Variants in TAF4B observed in about 807,000 individuals in gnomAD.
TAF4B encodes the protein TATA-box binding protein associated factor 4b.
TAF4B carries 38 observed loss-of-function variants against 86.4 expected under a neutral mutation model. The observed-to-expected ratio is 0.44, with a 90% CI of 0.34 to 0.58. TAF4B has a LOEUF of 0.58. Among genes scored for constraint, TAF4B ranks in the 20% least tolerant of loss-of-function variants. TAF4B has a pLI of 0.02. For missense variants in TAF4B, 988 were observed against 1,027.6 expected (o/e 0.96, Z 0.53); for synonymous variants, 388 against 391.2 (o/e 0.99, Z 0.10).
At position 26,226,838 on chromosome 18, in the gene TAF4B, C is replaced by T. The variant is rs1200107100; in HGVS notation, c.-96C>T. On this transcript the variant is annotated 5_prime_UTR_variant, in exon 1 of 15. Coordinates refer to ENST00000269142, the MANE Select transcript of TAF4B (RefSeq NM_005640.3). ...GCCTCTCCCCAGCGATGCTGTGGAA[C>T]CCGAACCGCACCGGAGTCGGCTGCC... The T allele has an allele frequency of 5.7e-6, 6 of 1,055,832 alleles. No individual in the cohort carries two copies. Among genetic ancestry groups the T allele is most frequent in the South Asian group, 2.6e-5 (1 of 38,260 alleles). 65.4% of individuals were successfully genotyped at this position (1,055,832 alleles called of 1,614,324 possible).
At chr18:26,305,405 T>C (rs1480982088) in intron 9 of TAF4B, among the ~76,000 whole-genome samples, 8 of 152,104 alleles carry the variant, frequency 5.3e-5, no homozygotes, top group Non-Finnish European at 1.0e-4. Flanking sequence ...TATGTTTTTG[T>C]TTTATTTTAT....
intron 6 of TAF4B, among the ~76,000 whole-genome samples, chr18:26,285,210 C>CTTTTTTTTTTGT (rs2056496547): frequency 7.1e-5 from 3 of 42,550 alleles, no homozygotes; most frequent in Non-Finnish European, 1.3e-4. Flanking sequence ...TCTTCCTTTC[C>CTTTTTTTTTTGT]TTTTTTTTTT....
intron 13 of TAF4B, among the ~76,000 whole-genome samples, chr18:26,342,951 C>A (rs1342308664): frequency 6.6e-6 from 1 of 152,178 alleles, no homozygotes; most frequent in Non-Finnish European, 1.5e-5. Flanking sequence ...TGTCAGAATT[C>A]TGGCTATTAA....
At chr18:26,377,101 G>C (rs1218670243) in intron 14 of TAF4B, among the ~76,000 whole-genome samples, 1 of 151,876 alleles carries the variant, frequency 6.6e-6, no homozygotes, top group African/African-American at 2.4e-5. Flanking sequence ...GAAGAGTTTT[G>C]CATCCATGTT....
chr18:26,269,112 G>A (rs1162245677), intron 3 of TAF4B, among the ~76,000 whole-genome samples: 1 of 152,098 alleles, frequency 6.6e-6, no homozygotes, highest in Non-Finnish European at 1.5e-5. Flanking sequence ...ATGAGCCACC[G>A]CACCCGACTC....
At chr18:26,383,100 G>A (rs573654473) in intron 14 of TAF4B, among the ~76,000 whole-genome samples, 1 of 152,192 alleles carries the variant, frequency 6.6e-6, no homozygotes, top group East Asian at 1.9e-4. Context: ...CAAGAAGAAA[G>A]GAATGAGAGA....
chr18:26,271,968 T>G (rs1598744861), intron 3 of TAF4B, among the ~76,000 whole-genome samples: 2 of 140,388 alleles, frequency 1.4e-5, no homozygotes, highest in African/African-American at 5.2e-5. Flanking sequence ...TGAGGGGGAA[T>G]GGAATTTATT....
intron 1 of TAF4B, among the ~76,000 whole-genome samples, chr18:26,262,175 G>C (rs1457547628): frequency 4.7e-5 from 7 of 150,160 alleles, no homozygotes; most frequent in African/African-American, 1.7e-4. Flanking sequence ...CCTGTCTCAA[G>C]TTTATCCTCT....
Position 26,274,728 on chromosome 18 carries a change from C to G in TAF4B, c.663C>G (p.Thr221=), listed in dbSNP as rs17224558. 6.2e-7 allele frequency: 1 copy of G among 1,614,056 alleles called. No individual in the cohort carries two copies. The highest frequency in any genetic ancestry group is 1.1e-5 in the South Asian group (1 of 91,082). The change falls in exon 4 of 15, where the codon ACC becomes ACG. Residue 221 remains threonine (T), a synonymous_variant. Transcript: ENST00000269142. ...GAAAGCCATTGAATACTGTAACTAC[C>G]CTGAAGCCTTCAAGTTTGGGAGCAT... ...TPGKPLNTVT[T]LKPSSLGASS...
chr18:26,335,284 GCT>G, intron 13 of TAF4B, 53 bp downstream of exon 13: 1 of 1,497,486 alleles, frequency 6.7e-7, no homozygotes, highest in South Asian at 1.1e-5. Context: ...AAGGTTGGCA[GCT>G]CTCTCCTGGC....
At chr18:26,368,817 A>G (rs2057388184) in intron 14 of TAF4B, among the ~76,000 whole-genome samples, 2 of 152,082 alleles carry the variant, frequency 1.3e-5, no homozygotes, top group African/African-American at 4.8e-5. Context: ...TGGTCTTTAA[A>G]ATTTTCCAAA....
chr18:26,281,413 T>A (rs537889049), intron 5 of TAF4B, among the ~76,000 whole-genome samples: 1 of 152,334 alleles, frequency 6.6e-6, no homozygotes, highest in African/African-American at 2.4e-5. Flanking sequence ...GCAAAATTTT[T>A]AAAACTATAT....
At chr18:26,358,339 G>A (rs757415491) in intron 14 of TAF4B, among the ~76,000 whole-genome samples, 7 of 152,178 alleles carry the variant, frequency 4.6e-5, no homozygotes, top group Non-Finnish European at 8.8e-5. Context: ...ATAGGCACAT[G>A]TATACTCAAT....
intron 12 of TAF4B, among the ~76,000 whole-genome samples, chr18:26,329,051 CTTTCTCTTTCCTT>C (rs1358854105): frequency 2.0e-5 from 3 of 151,820 alleles, no homozygotes; most frequent in African/African-American, 7.3e-5. Flanking sequence ...TTTCTTTCCT[CTTTCTCTTTCCTT>C]TTCTTTCTTT....
In TAF4B at chr18:26,389,966, G is replaced by A. The variant is rs922367633; in HGVS notation, c.2543G>A (p.Arg848Gln). 10 of 1,614,132 alleles carry A rather than the reference G, an allele frequency of 6.2e-6. No homozygotes were observed. The highest frequency in any genetic ancestry group is 4.4e-5 in the South Asian group (4 of 91,068). Reference protein sequence around the residue: ...RDLIFCMEQEREMKYSRALYL... With the variant: ...RDLIFCMEQEQEMKYSRALYL... ...TTGATATTTTGTATGGAACAGGAACGGGAGATGAAGTATTCTCGAGCTCTA... is the reference window on the plus strand; with the variant it reads ...TTGATATTTTGTATGGAACAGGAACAGGAGATGAAGTATTCTCGAGCTCTA... Residue 848 changes from arginine to glutamine, a missense_variant, in exon 15 of 15, where the codon CGG (arginine) becomes CAG (glutamine). Around this residue, in one of 3 missense-constraint regions of TAF4B, gnomAD observed 216 missense variants for 238.4 expected, o/e 0.91. Transcript: ENST00000269142.
At chr18:26,263,233 C>T (rs747507327) in intron 1 of TAF4B, among the ~76,000 whole-genome samples, 10 of 152,130 alleles carry the variant, frequency 6.6e-5, no homozygotes, top group East Asian at 1.9e-4. Context: ...GGATTACAGG[C>T]GTGAGCCACC....
intron 13 of TAF4B, among the ~76,000 whole-genome samples, chr18:26,346,797 A>ATATATGTG (rs1555623653): frequency 2.3e-4 from 5 of 21,382 alleles, no homozygotes; most frequent in Admixed American, 5.1e-4. Flanking sequence ...ATATATATAT[A>ATATATGTG]TGTGTATATA....
intron 14 of TAF4B, among the ~76,000 whole-genome samples, chr18:26,364,052 G>C (rs1404657449): frequency 1.3e-5 from 2 of 152,102 alleles, no homozygotes. Context: ...CTTTGTCCTT[G>C]AGTATTTTTT....
chr18:26,348,329 T>G (rs1164571999), intron 13 of TAF4B: 1 of 152,326 alleles, frequency 6.6e-6, no homozygotes, highest in Non-Finnish European at 1.5e-5. Context: ...AGGGAAAAAT[T>G]GTCCAAGCCT....
Sources: allele counts gnomAD v4.1 joint callset (sites outside exome capture counted in the v4.1 genomes callset), GRCh38; gene constraint gnomAD v4.1.1; regional missense constraint gnomAD v4.1.1; transcripts MANE v1.5; gene names NCBI Gene and HGNC (gene_info 2026-07-23, HGNC 2026-07-21).